The following NRF1 variants were observed in gnomAD, a reference collection of about 807,000 sequenced individuals.
NRF1 encodes the protein alpha palindromic-binding protein.
Under a neutral mutation model 58.5 loss-of-function variants are expected in NRF1, and 5 were observed. The observed-to-expected ratio is 0.09, with a 90% CI of 0.04 to 0.18. NRF1 has a LOEUF of 0.18. NRF1 is among the 10% of genes least tolerant of loss of function. The pLI, the probability that NRF1 is intolerant of heterozygous loss-of-function variation, is 1.00. For missense variants in NRF1, 288 were observed against 657.7 expected (o/e 0.44, Z 6.15); for synonymous variants, 224 against 246.7 (o/e 0.91, Z 0.86).
At chr7:129,637,172 C>T (rs1242044646) in intron 1 of NRF1, among the ~76,000 whole-genome samples, 1 of 151,788 alleles carries the variant, frequency 6.6e-6, no homozygotes, top group African/African-American at 2.4e-5. Flanking sequence ...CATTCCCATA[C>T]CCTTCAATAG....
chr7:129,709,275 C>G, intron 6 of NRF1, 42 bp downstream of exon 6: 4 of 1,396,192 alleles, frequency 2.9e-6, no homozygotes, highest in Non-Finnish European at 3.8e-6. Flanking sequence ...GCTTTTCCAT[C>G]CTAAATTAAC....
Position 129,756,060 on chromosome 7 carries a change from TAG to T in NRF1, c.*880_*881del. 2 of 152,354 alleles carry T rather than the reference TAG, an allele frequency of 1.3e-5. No individual in the cohort carries two copies. The highest frequency in any genetic ancestry group is 4.2e-4 in the South Asian group (2 of 4,798). 9.4% of individuals were successfully genotyped at this position (152,354 alleles called of 1,614,324 possible). ...TATGAACTGAAGGTAACCGAAGTATTAGGGGTTTGAGGAGTGCGTGCGTGTAA... is the reference window on the plus strand; with the variant it reads ...TATGAACTGAAGGTAACCGAAGTATTGGGTTTGAGGAGTGCGTGCGTGTAA... On this transcript the variant is annotated 3_prime_UTR_variant, in exon 11 of 11. Transcript: ENST00000393232.
At chr7:129,702,515 G>C (rs1802849681) in intron 5 of NRF1, among the ~76,000 whole-genome samples, 1 of 116,148 alleles carries the variant, frequency 8.6e-6, no homozygotes, top group Non-Finnish European at 2.1e-5. Flanking sequence ...AACCACCATA[G>C]TCATCTCTCT....
At chr7:129,628,637 T>C (rs527786409) in intron 1 of NRF1, among the ~76,000 whole-genome samples, 6 of 152,328 alleles carry the variant, frequency 3.9e-5, no homozygotes, top group Admixed American at 3.9e-4. Flanking sequence ...TGCTGTAGTA[T>C]GTTGCTTTGG....
Position 129,745,576 on chromosome 7 carries a change from G to A in NRF1, c.1349-9442G>A, listed in dbSNP as rs1043552230. On this transcript the variant is annotated intron_variant, in intron 10 of 10. Coordinates refer to ENST00000393232, the MANE Select transcript of NRF1 (RefSeq NM_005011.5). ...CCTGCTGCCAAAAATGCTCGGGACC[G>A]CTGCTCCAGAGCACGTGCATATTCC... Among the ~76,000 whole-genome samples the A allele has an allele frequency of 5.3e-5, 7 of 131,820 alleles. No individual in the cohort carries two copies. In the South Asian group the frequency reaches 1.6e-3, roughly 29 times the overall value. 86.5% of individuals were successfully genotyped at this position (131,820 alleles called of 152,430 possible). A position where few individuals can be genotyped will look rare whatever the true frequency, so the allele number is the denominator to read the frequency against.
intron 5 of NRF1, among the ~76,000 whole-genome samples, chr7:129,693,438 T>G (rs1432370209): frequency 6.6e-6 from 1 of 152,212 alleles, no homozygotes; most frequent in East Asian, 1.9e-4. Flanking sequence ...TAAACCAAGC[T>G]TGTCCAACCC....
Position 129,661,620 on chromosome 7 carries a change from T to C in NRF1, c.223+4046T>C, listed in dbSNP as rs894734262. ...CACCTTTGCTCCAGTTCCCAACAAG[T>C]TTCTTATTTCCACCTGAGACCACAT... On this transcript the variant is annotated intron_variant, in intron 2 of 10. Transcript: ENST00000393232. Among the ~76,000 whole-genome samples, 8 of 150,888 alleles carry C rather than the reference T, an allele frequency of 5.3e-5. 1 individual carries two copies. The highest frequency in any genetic ancestry group is 2.0e-4 in the African/African-American group (8 of 40,236).
intron 10 of NRF1, among the ~76,000 whole-genome samples, chr7:129,749,689 G>A (rs1804067620): frequency 6.6e-6 from 1 of 152,106 alleles, no homozygotes; most frequent in South Asian, 2.1e-4. Context: ...GATCCTTCCT[G>A]GCCCTGGTGT....
intron 10 of NRF1, among the ~76,000 whole-genome samples, chr7:129,740,222 G>A (rs1803814901): frequency 1.3e-5 from 2 of 152,196 alleles, no homozygotes; most frequent in Non-Finnish European, 2.9e-5. Context: ...TAATTTGCGG[G>A]GTAGCAGAGA....
At chr7:129,677,504 C>T (rs1670286488) in intron 3 of NRF1, 128 bp from the exon 4 acceptor site, 8 of 791,608 alleles carry the variant, frequency 1.0e-5, no homozygotes, top group Non-Finnish European at 1.6e-5. Flanking sequence ...ACCTCACATT[C>T]CCCTTTTCAC....
chr7:129,750,390 C>T (rs568546621), intron 10 of NRF1, among the ~76,000 whole-genome samples: 36 of 152,368 alleles, frequency 2.4e-4, no homozygotes, highest in African/African-American at 7.5e-4. Flanking sequence ...GCCCCTCCCC[C>T]TTTCCCTTGC....
intron 5 of NRF1, among the ~76,000 whole-genome samples, chr7:129,701,865 C>T (rs547236363): frequency 6.6e-6 from 1 of 152,230 alleles, no homozygotes; most frequent in South Asian, 2.1e-4. Flanking sequence ...AAATTCTATA[C>T]CATGGATACT....
chr7:129,727,778 C>T (rs542816947), intron 10 of NRF1, among the ~76,000 whole-genome samples: 3 of 152,280 alleles, frequency 2.0e-5, no homozygotes, highest in South Asian at 4.1e-4. Context: ...TCAAGAAAGG[C>T]GCCAATGTCT....
chr7:129,724,569 A>G (rs546759478), intron 9 of NRF1, among the ~76,000 whole-genome samples: 21 of 152,260 alleles, frequency 1.4e-4, no homozygotes, highest in Non-Finnish European at 1.5e-5. Context: ...TCTCAGAGAA[A>G]TATTTGTATG....
chr7:129,748,029 A>C (rs926820167), intron 10 of NRF1, among the ~76,000 whole-genome samples: 1 of 152,010 alleles, frequency 6.6e-6, no homozygotes, highest in African/African-American at 2.4e-5. Flanking sequence ...TAATCCCAGC[A>C]CTTTGGGAGG....
At chr7:129,651,595 T>C (rs1435739355) in intron 1 of NRF1, among the ~76,000 whole-genome samples, 6 of 152,176 alleles carry the variant, frequency 3.9e-5, no homozygotes, top group African/African-American at 1.4e-4. Flanking sequence ...GCGCATAGCC[T>C]ACAAATCCCT....
intron 10 of NRF1, chr7:129,744,138 T>C (rs2116304925): frequency 1.3e-6 from 2 of 1,493,792 alleles, no homozygotes; most frequent in Admixed American, 4.7e-5. Context: ...TGCTTTTTTT[T>C]TTTTTTTTTT....
chr7:129,673,193 T>C (rs1466374163), intron 3 of NRF1, among the ~76,000 whole-genome samples: 2 of 152,104 alleles, frequency 1.3e-5, no homozygotes, highest in African/African-American at 2.4e-5. Context: ...CAAGAGTATA[T>C]TCAAAGGAGT....
chr7:129,696,523 A>C lies in NRF1; in HGVS notation c.606+5977A>C, dbSNP rs538230039. On this transcript the variant is annotated intron_variant, in intron 5 of 10. Coordinates refer to ENST00000393232, the MANE Select transcript of NRF1 (RefSeq NM_005011.5). ...GAGCTCAGATATAGCTTATAGCCAT[A>C]AAGAACAAGTACATTTTACTGGACA... Among the ~76,000 whole-genome samples, 4 of 152,334 alleles carry C rather than the reference A, an allele frequency of 2.6e-5. No individual in the cohort carries two copies. The South Asian group carries it at 8.3e-4, about 32-fold the overall frequency.
Sources: gnomAD v4.1 joint callset for allele counts (sites outside exome capture counted in the v4.1 genomes callset) on GRCh38, gnomAD v4.1.1 for gene constraint, MANE v1.5 for transcripts, NCBI Gene and HGNC (gene_info 2026-07-23, HGNC 2026-07-21) for gene names.